FAM234A: variants seen among roughly 807,000 people sequenced by gnomAD.
FAM234A encodes the protein family with sequence similarity 234 member A.
Under a neutral mutation model 49.1 loss-of-function variants are expected in FAM234A, and 42 were observed. The ratio of observed to expected loss-of-function variants is 0.86; its 90% CI spans 0.67 to 1.11. FAM234A has a LOEUF of 1.11. FAM234A is among the 50% of genes least tolerant of loss of function. The pLI is 0.00. For missense variants in FAM234A, 815 were observed against 745.2 expected, an observed-to-expected ratio of 1.09 and a Z score of -1.09; for synonymous variants, 369 against 316.2, an observed-to-expected ratio of 1.17 and a Z score of -1.77.
Position 254,565 on chromosome 16 carries a change from C to T in FAM234A, c.152C>T (p.Ala51Val), listed in dbSNP as rs765566976. Residue 51 changes from alanine (A) to valine (V), a missense_variant, in exon 3 of 13, where the codon GCG becomes GTG. By Grantham distance (64) the Ala-to-Val change is moderately conservative. Transcript: ENST00000399932. ...QSRLSRCRAA[A>V]FFLSLFLCLF... is the part of the protein sequence containing the mutation. ...CGGCTCTCCCGGTGCCGAGCGGCGG[C>T]GTTTTTTCTTTCATTGTTTCTCTGC... The T allele has an allele frequency of 3.1e-6, 5 of 1,614,020 alleles. No individual in the cohort carries two copies. In the East Asian group the frequency reaches 8.9e-5, roughly 29 times the overall value.
chr16:242,330 T>G (rs555155590), intron 1 of FAM234A, among the ~76,000 whole-genome samples: 1 of 152,268 alleles, frequency 6.6e-6, no homozygotes, highest in African/African-American at 2.4e-5. Context: ...TTCTCGTGCT[T>G]CAGCCTTCCC....
Position 262,089 on chromosome 16 carries a change from G to A in FAM234A, c.709-4G>A. On this transcript the variant is annotated splice_region_variant and splice_polypyrimidine_tract_variant and intron_variant, in intron 6 of 12. Coordinates refer to ENST00000399932, the MANE Select transcript of FAM234A (RefSeq NM_032039.4). The stretch of plus-strand genomic sequence containing the variant: ...TCTTCCTGTGTCATCCTGTGTCATT[G>A]CAGGTTAGTGGCCACCTCTACTCCG... 1 of 1,613,612 alleles carries A rather than the reference G, an allele frequency of 6.2e-7. No homozygotes were observed. Among genetic ancestry groups the A allele is most frequent in the Non-Finnish European group, 8.5e-7 (1 of 1,179,770 alleles).
Position 265,226 on chromosome 16 carries a change from C to G in FAM234A, c.*204C>G, listed in dbSNP as rs1338392362. ...TGAGGGGACACCCTGGGCCTCTCTCCCGCCCAGCATCCTCCCTGAGTCCCC... is the reference window on the plus strand; with the variant it reads ...TGAGGGGACACCCTGGGCCTCTCTCGCGCCCAGCATCCTCCCTGAGTCCCC... On this transcript the variant is annotated 3_prime_UTR_variant, in exon 13 of 13. Transcript: ENST00000399932. The G allele has an allele frequency of 1.4e-6, 2 of 1,392,630 alleles. No homozygotes were observed. The highest frequency in any genetic ancestry group is 2.9e-5 in the African/African-American group (2 of 69,008). The allele number at this position is 1,392,630 out of a possible 1,614,324, so 86.3% of individuals were successfully genotyped here. A position where few individuals can be genotyped will look rare whatever the true frequency, so the allele number is the denominator to read the frequency against.
At chr16:235,678 T>C (rs1237653410) in intron 1 of FAM234A, among the ~76,000 whole-genome samples, 1 of 152,180 alleles carries the variant, frequency 6.6e-6, no homozygotes, top group Non-Finnish European at 1.5e-5. Context: ...ACTTCCCTTA[T>C]TGCAATTTCA....
chr16:263,564 A>G (rs2051567375), intron 9 of FAM234A, 136 bp from the exon 10 acceptor site: 2 of 1,281,700 alleles, frequency 1.6e-6, no homozygotes, highest in African/African-American at 1.5e-5. Flanking sequence ...CTTGCCCCAG[A>G]CGTCGGCTCC....
chr16:239,949 T>C (rs2050553760), intron 1 of FAM234A, among the ~76,000 whole-genome samples: 1 of 152,172 alleles, frequency 6.6e-6, no homozygotes, highest in Admixed American at 6.6e-5. Context: ...GGCCTGTTCT[T>C]TGTCTTGAGA....
intron 1 of FAM234A, among the ~76,000 whole-genome samples, chr16:241,785 C>T (rs550552798): frequency 4.8e-4 from 72 of 148,964 alleles, no homozygotes; most frequent in Non-Finnish European, 9.2e-4. Flanking sequence ...GGCTTGGTGG[C>T]GGGCACCTGT....
chr16:258,779 C>T (rs890399408), intron 3 of FAM234A, among the ~76,000 whole-genome samples: 1 of 152,130 alleles, frequency 6.6e-6, no homozygotes, highest in African/African-American at 2.4e-5. Flanking sequence ...TGGGCCCGGC[C>T]TATTTTTTTG....
intron 1 of FAM234A, among the ~76,000 whole-genome samples, chr16:249,144 C>T (rs773446763): frequency 3.3e-5 from 5 of 151,940 alleles, no homozygotes; most frequent in African/African-American, 7.3e-5. Flanking sequence ...ACAGGCCGGG[C>T]GGCATCTTCA....
downstream of FAM234A, chr16:269,743 A>G (rs1392362102): frequency 1.7e-6 from 1 of 604,814 alleles, no homozygotes. Flanking sequence ...TGCCCAGACC[A>G]AGGCAGACGC....
intron 2 of FAM234A, among the ~76,000 whole-genome samples, chr16:252,326 C>A (rs936764863): frequency 6.6e-6 from 1 of 151,780 alleles, no homozygotes; most frequent in East Asian, 2.0e-4. Context: ...GGACTACAGG[C>A]GCCCGCCACC....
chr16:257,236 C>CTTTTTT (rs759071082), intron 3 of FAM234A, among the ~76,000 whole-genome samples: 2 of 89,014 alleles, frequency 2.2e-5, no homozygotes, highest in Admixed American at 1.2e-4. Flanking sequence ...TCAATGAAGT[C>CTTTTTT]TTTTTTTTTT....
At chr16:237,518 C>G (rs1463246988) in intron 1 of FAM234A, among the ~76,000 whole-genome samples, 1 of 151,958 alleles carries the variant, frequency 6.6e-6, no homozygotes, top group Non-Finnish European at 1.5e-5. Context: ...GGATCTGATT[C>G]CAAGATGGCT....
intron 12 of FAM234A, 25 bp from the exon 13 acceptor site, chr16:264,786 G>A: frequency 6.2e-7 from 1 of 1,607,470 alleles, no homozygotes; most frequent in Non-Finnish European, 8.5e-7. Flanking sequence ...GAGCCGCCCT[G>A]ACAGCTGTGT....
At chr16:234,880 T>A (rs1173361683) in intron 1 of FAM234A, 23 bp downstream of exon 1, 2 of 152,170 alleles carry the variant, frequency 1.3e-5, no homozygotes, top group African/African-American at 4.8e-5. Context: ...GGCCTCGTAC[T>A]CGCGCGTGCA....
Position 265,062 on chromosome 16 carries a change from T to C in FAM234A, c.*40T>C, listed in dbSNP as rs757991479. 106 of 1,557,304 alleles carry C rather than the reference T, an allele frequency of 6.8e-5. No individual in the cohort carries two copies. The highest frequency in any genetic ancestry group is 1.4e-4 in the Admixed American group (8 of 56,916). ...GAGCCTGTGGAGAGACTCCGCCTGCTGACACTAAACGTCCTGGGAAGTGGG... is the reference window on the plus strand; with the variant it reads ...GAGCCTGTGGAGAGACTCCGCCTGCCGACACTAAACGTCCTGGGAAGTGGG... On this transcript the variant is annotated 3_prime_UTR_variant, in exon 13 of 13. Coordinates refer to ENST00000399932, the MANE Select transcript of FAM234A (RefSeq NM_032039.4).
At chr16:268,208 A>T (rs1596876012), downstream of FAM234A, 2 of 190,550 alleles carry the variant, frequency 1.0e-5, no homozygotes, top group East Asian at 2.5e-4. Context: ...ATACATACAC[A>T]CCACACGTGT....
intron 1 of FAM234A, among the ~76,000 whole-genome samples, chr16:238,537 G>A (rs950056114): frequency 3.3e-5 from 5 of 151,834 alleles, no homozygotes; most frequent in African/African-American, 7.2e-5. Context: ...GAGGCCAAGG[G>A]GGGCAGATCA....
chr16:250,082 C>T lies in FAM234A; in HGVS notation c.-34+428C>T, dbSNP rs1308779389. ...TGCCGCAGCCTCCTATAGGCGCATG[C>T]CGCCACACCCAGCTAATTTTTTGTA... On this transcript the variant is annotated intron_variant, in intron 2 of 12. Transcript: ENST00000399932. Among the ~76,000 whole-genome samples, 4 of 152,202 alleles carry T rather than the reference C, an allele frequency of 2.6e-5. No individual in the cohort carries two copies. In the South Asian group the frequency reaches 6.2e-4, roughly 24 times the overall value.
Sources: gnomAD v4.1 joint callset for allele counts (sites outside exome capture counted in the v4.1 genomes callset) on GRCh38, gnomAD v4.1.1 for gene constraint, MANE v1.5 for transcripts, NCBI Gene and HGNC (gene_info 2026-07-23, HGNC 2026-07-21) for gene names.